Variants in TTLL5 observed in about 807,000 individuals in gnomAD.
TTLL5 encodes the protein tubulin polyglutamylase TTLL5.
A neutral mutation model predicts 168.4 loss-of-function variants in TTLL5; 132 were observed. The ratio of observed to expected loss-of-function variants is 0.78; its 90% CI spans 0.68 to 0.91. The LOEUF (loss-of-function observed/expected upper bound fraction) is 0.91, where lower values mean the gene tolerates loss of function less well. TTLL5 is among the 40% of genes least tolerant of loss of function. The pLI, the probability that TTLL5 is intolerant of heterozygous loss-of-function variation, is 0.00. For missense variants in TTLL5, 1,545 were observed against 1,581.5 expected (o/e 0.98, Z 0.39); for synonymous variants, 546 against 558.6 (o/e 0.98, Z 0.32).
intron 30 of TTLL5, among the ~76,000 whole-genome samples, chr14:75,885,915 A>G (rs1304337571): frequency 2.0e-5 from 3 of 152,226 alleles, no homozygotes; most frequent in Admixed American, 1.3e-4. Flanking sequence ...ATGCATTTCA[A>G]GAAATTTTCA....
At chr14:75,833,082 T>TTC (rs1215222441) in intron 28 of TTLL5, among the ~76,000 whole-genome samples, 2 of 152,296 alleles carry the variant, frequency 1.3e-5, no homozygotes, top group East Asian at 3.9e-4. Flanking sequence ...GCCTTCATCA[T>TTC]TCTCCTCAGC....
At chr14:75,723,379 A>G (rs1042700564) in intron 12 of TTLL5, among the ~76,000 whole-genome samples, 1 of 152,170 alleles carries the variant, frequency 6.6e-6, no homozygotes, top group Non-Finnish European at 1.5e-5. Context: ...TGGTTTGGTA[A>G]TGGCCTAGAA....
At chr14:75,813,548 A>G (rs1402789246) in intron 27 of TTLL5, among the ~76,000 whole-genome samples, 4 of 152,000 alleles carry the variant, frequency 2.6e-5, no homozygotes, top group Admixed American at 2.6e-4. Flanking sequence ...AACGATCCAC[A>G]TGCTTTGGCC....
chr14:75,743,968 C>A (rs772598087), intron 15 of TTLL5, among the ~76,000 whole-genome samples: 13 of 152,124 alleles, frequency 8.5e-5, no homozygotes, highest in Non-Finnish European at 1.9e-4. Flanking sequence ...TTCCAAAAGT[C>A]CCATCTCCAA....
chr14:75,779,277 C>T (rs1001376354), intron 23 of TTLL5, among the ~76,000 whole-genome samples: 4 of 152,054 alleles, frequency 2.6e-5, no homozygotes, highest in East Asian at 1.9e-4. Flanking sequence ...GGCTAGTTTA[C>T]GGAAAAGAAT....
intron 18 of TTLL5, among the ~76,000 whole-genome samples, chr14:75,754,419 A>G (rs1890125140): frequency 6.6e-6 from 1 of 152,130 alleles, no homozygotes; most frequent in African/African-American, 2.4e-5. Flanking sequence ...GAAGTAATGA[A>G]CTGTTTGCTT....
chr14:75,783,703 C>T (rs549382952), intron 26 of TTLL5, among the ~76,000 whole-genome samples, 173 bp downstream of exon 26: 1 of 152,268 alleles, frequency 6.6e-6, no homozygotes, highest in African/African-American at 2.4e-5. Flanking sequence ...CAGTAGCATG[C>T]CTTCATTGAC....
In TTLL5 at chr14:75,925,500, G is replaced by C. The variant is rs1429691730; in HGVS notation, c.3823+23276G>C. Among the ~76,000 whole-genome samples the C allele has an allele frequency of 2.9e-4, 44 of 149,474 alleles. 1 individual carries two copies. The highest frequency in any genetic ancestry group is 9.3e-4 in the Admixed American group (14 of 15,116). ...CCCACATCTCAGGCGATGGGCGGCC[G>C]GGCAGAGACGCTCCTCACTTCCTAG... On this transcript the variant is annotated intron_variant, in intron 31 of 31. Coordinates refer to ENST00000298832, the MANE Select transcript of TTLL5 (RefSeq NM_015072.5).
At chr14:75,901,323 C>G (rs538902433) in intron 30 of TTLL5, among the ~76,000 whole-genome samples, 1 of 152,138 alleles carries the variant, frequency 6.6e-6, no homozygotes, top group South Asian at 2.1e-4. Context: ...TTGAAAAATG[C>G]AAAGAAGGAA....
At chr14:75,781,829 C>T (rs1892069280) in intron 24 of TTLL5, among the ~76,000 whole-genome samples, 1 of 152,050 alleles carries the variant, frequency 6.6e-6, no homozygotes, top group African/African-American at 2.4e-5. Flanking sequence ...GTGGCAGGCA[C>T]CTGTAAATCC....
chr14:75,752,958 A>G lies in TTLL5; in HGVS notation c.1550+3A>G, dbSNP rs1323846419. 1.2e-6 allele frequency: 2 copies of G among 1,612,132 alleles called. No homozygotes were observed. The highest frequency in any genetic ancestry group is 2.2e-5 in the East Asian group (1 of 44,822). On this transcript the variant is annotated splice_donor_region_variant and intron_variant, in intron 18 of 31. Transcript: ENST00000298832. ...GCAACACGCCTCTTCCAGGACAGGT[A>G]GAGATTTGCTAAACTTTAAATTTAG...
intron 30 of TTLL5, among the ~76,000 whole-genome samples, chr14:75,900,842 C>T (rs773150332): frequency 2.0e-5 from 3 of 152,244 alleles, no homozygotes; most frequent in Non-Finnish European, 4.4e-5. Flanking sequence ...TCCCCTGCCT[C>T]GTTCTCATAA....
chr14:75,872,893 C>T (rs1595184001), intron 29 of TTLL5, among the ~76,000 whole-genome samples: 2 of 116,518 alleles, frequency 1.7e-5, no homozygotes, highest in African/African-American at 6.9e-5. Context: ...GCCTGGGCAA[C>T]AAGGGTGAAA....
chr14:75,914,655 G>A (rs1418645072), intron 31 of TTLL5, among the ~76,000 whole-genome samples: 9 of 111,294 alleles, frequency 8.1e-5, no homozygotes, highest in African/African-American at 2.5e-4. Flanking sequence ...ACGGAGTCTT[G>A]CTCTGTCGCC....
chr14:75,721,044 G>A (rs1887804172), intron 12 of TTLL5, among the ~76,000 whole-genome samples: 1 of 152,152 alleles, frequency 6.6e-6, no homozygotes, highest in South Asian at 2.1e-4. Context: ...GCCAGGCTGG[G>A]AACAGTTCCA....
intron 30 of TTLL5, chr14:75,887,004 G>GC: frequency 7.3e-7 from 1 of 1,369,952 alleles, no homozygotes; most frequent in Non-Finnish European, 9.4e-7. Flanking sequence ...AGACTGAACT[G>GC]CAGTACTTTT....
chr14:75,685,400 G>A (rs968686799), intron 5 of TTLL5, among the ~76,000 whole-genome samples: 9 of 151,478 alleles, frequency 5.9e-5, no homozygotes, highest in African/African-American at 1.9e-4. Context: ...AAAAAGGGTG[G>A]TGTTATGATT....
At chr14:75,740,432 T>C (rs539813735) in intron 15 of TTLL5, among the ~76,000 whole-genome samples, 3 of 152,318 alleles carry the variant, frequency 2.0e-5, no homozygotes, top group South Asian at 4.1e-4. Flanking sequence ...TTGGTTTTTT[T>C]CTAAACTGGT....
chr14:75,811,422 G>A (rs1894019171), intron 27 of TTLL5, among the ~76,000 whole-genome samples: 1 of 152,090 alleles, frequency 6.6e-6, no homozygotes, highest in Admixed American at 6.6e-5. Flanking sequence ...CTCCCTGCTT[G>A]TCTGACGATT....
Sources: allele counts gnomAD v4.1 joint callset (sites outside exome capture counted in the v4.1 genomes callset), GRCh38; gene constraint gnomAD v4.1.1; transcripts MANE v1.5; gene names NCBI Gene and HGNC (gene_info 2026-07-23, HGNC 2026-07-21).